The following SKAP1 variants were observed in gnomAD, a reference collection of about 807,000 sequenced individuals.
SKAP1 encodes the protein src kinase-associated phosphoprotein 1.
SKAP1 carries 44 observed loss-of-function variants against 58.5 expected under a neutral mutation model. The observed-to-expected ratio is 0.75, with a 90% CI of 0.59 to 0.97. The LOEUF (loss-of-function observed/expected upper bound fraction) is 0.97, where lower values mean the gene tolerates loss of function less well. Ranked by LOEUF, SKAP1 falls within the 50% of genes least tolerant of loss-of-function variation. The pLI is 0.00. For synonymous variants in SKAP1, 127 were observed against 149.7 expected (o/e 0.85, Z 1.11); for missense variants, 390 against 435.2 (o/e 0.90, Z 0.92).
intron 5 of SKAP1, among the ~76,000 whole-genome samples, chr17:48,188,495 T>C (rs2064489445): frequency 6.6e-6 from 1 of 152,112 alleles, no homozygotes; most frequent in African/African-American, 2.4e-5. Context: ...GAGACCAGCC[T>C]GGGCAACAAA....
intron 4 of SKAP1, among the ~76,000 whole-genome samples, chr17:48,223,063 CA>C (rs71141973): frequency 0.23 from 16,224 of 69,120 alleles, 395 homozygotes; most frequent in African/African-American, 0.35. Context: ...GACTCCGTCT[CA>C]AAAAAAAAAA....
intron 9 of SKAP1, among the ~76,000 whole-genome samples, chr17:48,174,329 T>C (rs867772213): frequency 4.6e-5 from 7 of 152,328 alleles, no homozygotes; most frequent in African/African-American, 1.4e-4. Flanking sequence ...GGCTTGGCGC[T>C]ATGCCTCTGG....
chr17:48,137,216 A>G lies in SKAP1; in HGVS notation c.*7+13T>C. 1 of 1,561,160 alleles carries G rather than the reference A, an allele frequency of 6.4e-7. No individual in the cohort carries two copies. Among genetic ancestry groups the G allele is most frequent in the Non-Finnish European group, 8.8e-7 (1 of 1,132,204 alleles). On this transcript the variant is annotated intron_variant, in intron 12 of 12. Transcript: ENST00000336915. ...TCAACTATTAGGCAGTTCATTGGCC[A>G]TGGTTCTGATACCTGGGTTTCATCT...
At chr17:48,237,287 A>G (rs1410056502) in intron 4 of SKAP1, among the ~76,000 whole-genome samples, 1 of 152,254 alleles carries the variant, frequency 6.6e-6, no homozygotes, top group South Asian at 2.1e-4. Context: ...ATTCAATATA[A>G]GAGACTTTAT....
intron 4 of SKAP1, among the ~76,000 whole-genome samples, chr17:48,240,119 A>G (rs1012058452): frequency 3.9e-5 from 6 of 152,122 alleles, no homozygotes; most frequent in Non-Finnish European, 8.8e-5. Context: ...CTTCTTGTCT[A>G]ATTAGTGGAA....
At position 48,405,454 on chromosome 17, in the gene SKAP1, CTTTCTTTCT is replaced by C. The variant is rs1567902296; in HGVS notation, c.47-8678_47-8670del. Among the ~76,000 whole-genome samples, 7 of 63,178 alleles carry C rather than the reference CTTTCTTTCT, an allele frequency of 1.1e-4. No individual in the cohort carries two copies. In the South Asian group the frequency reaches 1.3e-3, roughly 12 times the overall value. The allele number at this position is 63,178 out of a possible 152,430, so 41.4% of individuals were successfully genotyped here. ...CTTTCTTTCTTTCTTTCTTTCTTTT[CTTTCTTTCT>C]TTCCTTCCTTCCTTCTTTCTTTTCT... On this transcript the variant is annotated intron_variant, in intron 1 of 12. Transcript: ENST00000336915.
chr17:48,332,080 T>C (rs1364219333), intron 4 of SKAP1, among the ~76,000 whole-genome samples: 16 of 152,228 alleles, frequency 1.1e-4, no homozygotes, highest in Non-Finnish European at 1.3e-4. Flanking sequence ...AACTACCTCA[T>C]GATTTTAGTT....
chr17:48,188,011 T>C, intron 5 of SKAP1, 85 bp from the exon 6 acceptor site: 1 of 958,396 alleles, frequency 1.0e-6, no homozygotes, highest in South Asian at 1.4e-5. Context: ...TACAGTCCAG[T>C]GTGTTATTGT....
At chr17:48,379,003 G>A (rs987307242) in intron 2 of SKAP1, among the ~76,000 whole-genome samples, 1 of 152,114 alleles carries the variant, frequency 6.6e-6, no homozygotes, top group African/African-American at 2.4e-5. Flanking sequence ...TGGGGCTGGG[G>A]TGCCTTCATT....
chr17:48,392,295 T>C (rs1302997171), intron 2 of SKAP1, among the ~76,000 whole-genome samples: 1 of 152,228 alleles, frequency 6.6e-6, no homozygotes, highest in Admixed American at 6.5e-5. Flanking sequence ...GTTCAAGATA[T>C]TCTTTCAGCC....
chr17:48,135,198 AGCAC>A (rs2063683710), intron 12 of SKAP1, among the ~76,000 whole-genome samples: 1 of 152,238 alleles, frequency 6.6e-6, no homozygotes, highest in African/African-American at 2.4e-5. Context: ...CAGCTGCTGC[AGCAC>A]ACTAGAGTGG....
intron 2 of SKAP1, among the ~76,000 whole-genome samples, chr17:48,392,573 A>G (rs1432124178): frequency 6.6e-6 from 1 of 152,156 alleles, no homozygotes; most frequent in African/African-American, 2.4e-5. Context: ...AAAATATTCT[A>G]TTTTTGGCTG....
chr17:48,174,727 T>C (rs1011179453), intron 9 of SKAP1, among the ~76,000 whole-genome samples: 1 of 152,238 alleles, frequency 6.6e-6, no homozygotes, highest in Non-Finnish European at 1.5e-5. Flanking sequence ...TTATGTCTAC[T>C]GAAATACATC....
intron 4 of SKAP1, among the ~76,000 whole-genome samples, chr17:48,323,180 G>A (rs2144231445): frequency 6.6e-6 from 1 of 150,784 alleles, no homozygotes; most frequent in Admixed American, 6.6e-5. Flanking sequence ...CTTGGAAGAG[G>A]GAAATAGTTA....
intron 4 of SKAP1, among the ~76,000 whole-genome samples, chr17:48,343,938 C>T (rs1002760971): frequency 6.6e-5 from 10 of 152,116 alleles, no homozygotes; most frequent in African/African-American, 2.4e-4. Context: ...AAGTTAACTT[C>T]CCTGAGTCTG....
At chr17:48,342,756 C>T (rs544699610) in intron 4 of SKAP1, among the ~76,000 whole-genome samples, 8 of 152,244 alleles carry the variant, frequency 5.3e-5, no homozygotes, top group East Asian at 3.9e-4. Context: ...GAGGCCAAGG[C>T]GGGTGGATCA....
intron 4 of SKAP1, among the ~76,000 whole-genome samples, chr17:48,259,250 A>G (rs1192733293): frequency 6.6e-6 from 1 of 152,118 alleles, no homozygotes; most frequent in African/African-American, 2.4e-5. Context: ...CATTAGGCAA[A>G]GAGTGGTCAC....
intron 4 of SKAP1, among the ~76,000 whole-genome samples, chr17:48,256,468 C>G (rs766477235): frequency 8.5e-5 from 13 of 152,134 alleles, no homozygotes; most frequent in South Asian, 2.1e-4. Context: ...TTCAGGGCCC[C>G]GAAGAGCAAA....
At chr17:48,348,219 G>A (rs1407137277) in intron 3 of SKAP1, among the ~76,000 whole-genome samples, 2 of 151,686 alleles carry the variant, frequency 1.3e-5, no homozygotes, top group East Asian at 3.9e-4. Flanking sequence ...TTGTGCCTGT[G>A]GTCCTAGCTA....
Sources: allele counts gnomAD v4.1 joint callset (sites outside exome capture counted in the v4.1 genomes callset), GRCh38; gene constraint gnomAD v4.1.1; transcripts MANE v1.5; gene names NCBI Gene and HGNC (gene_info 2026-07-23, HGNC 2026-07-21).